Variants in IPO8 observed in about 807,000 individuals in gnomAD.
IPO8 encodes the protein importin 8, also known as importin-8.
IPO8 carries 65 observed loss-of-function variants against 141.2 expected under a neutral mutation model. The observed-to-expected ratio is 0.46, with a 90% CI of 0.38 to 0.57. The LOEUF is 0.57. Among genes scored for constraint, IPO8 ranks in the 20% least tolerant of loss-of-function variants. The pLI, the probability that IPO8 is intolerant of heterozygous loss-of-function variation, is 0.00. For missense variants in IPO8, 980 were observed against 1,246.8 expected, an observed-to-expected ratio of 0.79 and a Z score of 3.22; for synonymous variants, 411 against 420.3, an observed-to-expected ratio of 0.98 and a Z score of 0.27.
chr12:30,660,616 TGTATAAA>T (rs1185956131), intron 16 of IPO8, among the ~76,000 whole-genome samples: 8 of 152,238 alleles, frequency 5.3e-5, no homozygotes, highest in Non-Finnish European at 1.5e-5. Flanking sequence ...GATAAATAGC[TGTATAAA>T]GTCTTATCCC....
At chr12:30,666,326 G>A (rs962820392) in intron 10 of IPO8, 75 bp from the exon 11 acceptor site, 27 of 1,121,364 alleles carry the variant, frequency 2.4e-5, no homozygotes, top group Admixed American at 2.4e-4. Context: ...CTGACTGACC[G>A]CTATTCCAAA....
intron 5 of IPO8, chr12:30,676,939 ATATT>A (rs1565507709): frequency 1.3e-6 from 2 of 1,533,136 alleles, no homozygotes; most frequent in Non-Finnish European, 8.7e-7. Context: ...CTTGATGAAA[ATATT>A]TATTTCATTA....
intron 5 of IPO8, 80 bp downstream of exon 5, chr12:30,680,402 A>T (rs2053176545): frequency 2.8e-6 from 3 of 1,069,304 alleles, no homozygotes; most frequent in Non-Finnish European, 4.1e-6. Flanking sequence ...TTTTAATAAT[A>T]AGTGACACTT....
At chr12:30,668,931 ATAAG>A in intron 10 of IPO8, among the ~76,000 whole-genome samples, 1 of 152,346 alleles carries the variant, frequency 6.6e-6, no homozygotes, top group East Asian at 1.9e-4. Context: ...TCGCAACAGC[ATAAG>A]TAACAGATGG....
chr12:30,688,057 A>G (rs989620359), intron 2 of IPO8, among the ~76,000 whole-genome samples: 1 of 152,170 alleles, frequency 6.6e-6, no homozygotes, highest in Non-Finnish European at 1.5e-5. Flanking sequence ...TGAAAAAAGT[A>G]CATTTCTGAG....
rs1438583185 is a variant in IPO8, at chr12:30,684,462, G to A, written c.167-5C>T. On this transcript the variant is annotated splice_region_variant and splice_polypyrimidine_tract_variant and intron_variant, in intron 2 of 24. Transcript: ENST00000256079. ...TGTTCTTCAGGTAAATGGCAGCTGA[G>A]TTTGAGAAAAAATGCTAATGTAGCA... 3.7e-6 allele frequency: 6 copies of A among 1,612,284 alleles called. No individual in the cohort carries two copies. The highest frequency in any genetic ancestry group is 2.5e-6 in the Non-Finnish European group (3 of 1,179,372).
chr12:30,636,345 C>T (rs1435099295), intron 22 of IPO8, among the ~76,000 whole-genome samples: 1 of 152,062 alleles, frequency 6.6e-6, no homozygotes, highest in South Asian at 2.1e-4. Flanking sequence ...TAGGAGAATG[C>T]TACTTCCTAG....
At chr12:30,663,442 T>C (rs1215353768) in intron 14 of IPO8, 47 bp downstream of exon 14, 22 of 1,500,860 alleles carry the variant, frequency 1.5e-5, no homozygotes, top group Non-Finnish European at 1.9e-5. Context: ...GGGAAGAAAG[T>C]AAATGAAATT....
intron 16 of IPO8, among the ~76,000 whole-genome samples, chr12:30,657,322 G>C (rs187095859): frequency 6.6e-6 from 1 of 151,934 alleles, no homozygotes; most frequent in African/African-American, 2.4e-5. Flanking sequence ...AAAGATGTTC[G>C]TTATAATACA....
intron 7 of IPO8, 53 bp from the exon 8 acceptor site, chr12:30,674,127 G>T: frequency 1.8e-6 from 2 of 1,128,852 alleles, no homozygotes; most frequent in Non-Finnish European, 1.3e-6. Flanking sequence ...CAAACAGCAT[G>T]CTTGCTAATA....
rs145365601 is a variant in IPO8 at position 30,659,604 on chromosome 12, C to T, written c.1881+1537G>A. The stretch of plus-strand genomic sequence containing the variant: ...CGGTGGCTCACACCTGTAATCCCAG[C>T]ACTTTGGGAGGCCGAGGTGGGCGGA... On this transcript the variant is annotated intron_variant, in intron 16 of 24. Transcript: ENST00000256079. Among the ~76,000 whole-genome samples the T allele has an allele frequency of 2.3e-3, 342 of 151,968 alleles. 1 individual carries two copies. Among genetic ancestry groups the T allele is most frequent in the African/African-American group, 7.4e-3 (306 of 41,472 alleles).
intron 2 of IPO8, among the ~76,000 whole-genome samples, chr12:30,684,850 T>C (rs901035866): frequency 7.9e-5 from 12 of 152,236 alleles, no homozygotes; most frequent in African/African-American, 2.9e-4. Context: ...CACTGGCTAC[T>C]GTCAAACACT....
At chr12:30,652,459 T>C (rs2052741585) in intron 18 of IPO8, among the ~76,000 whole-genome samples, 170 bp from the exon 19 acceptor site, 1 of 151,996 alleles carries the variant, frequency 6.6e-6, no homozygotes, top group South Asian at 2.1e-4. Flanking sequence ...ATGGGGAAAA[T>C]GTGGAGCAGA....
intron 13 of IPO8, among the ~76,000 whole-genome samples, chr12:30,663,997 C>A (rs1026332713): frequency 2.0e-5 from 3 of 152,148 alleles, no homozygotes; most frequent in East Asian, 1.9e-4. Flanking sequence ...ATCTGAAATT[C>A]ATTTGTCACA....
intron 19 of IPO8, 138 bp from the exon 20 acceptor site, chr12:30,649,370 C>A: frequency 1.9e-6 from 1 of 517,184 alleles, no homozygotes; most frequent in Non-Finnish European, 3.4e-6. Context: ...CTCACCAACC[C>A]AAAGAAGAAT....
In IPO8 at chr12:30,663,787, C is replaced by T. The variant is rs931586643; in HGVS notation, c.1429-133G>A. 1.0e-5 allele frequency: 6 copies of T among 588,990 alleles called. No individual in the cohort carries two copies. In the South Asian group the frequency reaches 3.3e-4, roughly 32 times the overall value. The allele number at this position is 588,990 out of a possible 1,614,324, so 36.5% of individuals were successfully genotyped here. On this transcript the variant is annotated intron_variant, in intron 13 of 24. Transcript: ENST00000256079. ...GTTTGCTTTTGGGGTAACACAGTAG[C>T]CTTAGTTTCTAACTTCTACATCCCC...
intron 4 of IPO8, among the ~76,000 whole-genome samples, chr12:30,681,423 A>T (rs2053187213): frequency 6.6e-6 from 1 of 152,244 alleles, no homozygotes; most frequent in African/African-American, 2.4e-5. Flanking sequence ...GCAACTAACA[A>T]GTTTGAGAAG....
intron 8 of IPO8, among the ~76,000 whole-genome samples, chr12:30,671,674 CAAAAAAAAAA>C (rs71052423): frequency 2.8e-4 from 16 of 56,476 alleles, no homozygotes; most frequent in Admixed American, 6.8e-4. Flanking sequence ...GACTCTGCCT[CAAAAAAAAAA>C]AAAAAAAAAA....
chr12:30,650,448 A>G (rs2052710493), intron 19 of IPO8, among the ~76,000 whole-genome samples: 1 of 152,126 alleles, frequency 6.6e-6, no homozygotes, highest in Non-Finnish European at 1.5e-5. Context: ...GCCAAGAGTC[A>G]ACTGTATTTA....
Sources: gnomAD v4.1 joint callset for allele counts (sites outside exome capture counted in the v4.1 genomes callset) on GRCh38, gnomAD v4.1.1 for gene constraint, MANE v1.5 for transcripts, NCBI Gene and HGNC (gene_info 2026-07-23, HGNC 2026-07-21) for gene names.